The following WDFY1 variants were observed in gnomAD, a reference collection of about 807,000 sequenced individuals.
The protein encoded by WDFY1 is WD repeat and FYVE domain containing 1.
In WDFY1, 32 loss-of-function variants were observed where a neutral mutation model predicts 56.4. The ratio of observed to expected loss-of-function variants is 0.57; its 90% CI spans 0.43 to 0.76. The LOEUF (loss-of-function observed/expected upper bound fraction) is 0.76, where lower values mean the gene tolerates loss of function less well. WDFY1 is among the 30% of genes least tolerant of loss of function. The pLI is 0.00. For missense variants in WDFY1, 480 were observed against 545.7 expected, an observed-to-expected ratio of 0.88 and a Z score of 1.20; for synonymous variants, 192 against 197.3, an observed-to-expected ratio of 0.97 and a Z score of 0.23.
rs115110332 is a variant in WDFY1, at chr2:223,921,615, G to A, written c.138-3605C>T. 3.2e-3 allele frequency among the ~76,000 whole-genome samples: 487 copies of A among 150,734 alleles called. 3 individuals are homozygous for A. The highest frequency in any genetic ancestry group is 0.011 in the African/African-American group (469 of 41,006). On this transcript the variant is annotated intron_variant, in intron 1 of 11. Coordinates refer to ENST00000233055, the MANE Select transcript of WDFY1 (RefSeq NM_020830.5). Reference sequence around the variant, plus strand: ...TTTAAAGATTTTTTTTTTTTTGACAGGGTTTCGCTCCGTCACCCAGGGTGG... The same window carrying A: ...TTTAAAGATTTTTTTTTTTTTGACAAGGTTTCGCTCCGTCACCCAGGGTGG...
intron 1 of WDFY1, among the ~76,000 whole-genome samples, chr2:223,926,360 C>G (rs773049229): frequency 2.6e-5 from 4 of 152,116 alleles, no homozygotes; most frequent in Admixed American, 1.3e-4. Flanking sequence ...CCAGGCTGGT[C>G]ACTCAAGTGA....
chr2:223,884,859 C>CT (rs1553535378), intron 8 of WDFY1, 110 bp from the exon 9 acceptor site: 808 of 689,446 alleles, frequency 1.2e-3, no homozygotes, highest in East Asian at 3.9e-3. Context: ...TTCTTTTCTT[C>CT]TTTTTTTTTT....
intron 2 of WDFY1, among the ~76,000 whole-genome samples, chr2:223,914,634 G>A (rs2106090582): frequency 6.6e-6 from 1 of 152,336 alleles, no homozygotes; most frequent in Middle Eastern, 3.4e-3. Flanking sequence ...CATCACTGTG[G>A]TGAGAAGCAT....
chr2:223,923,120 G>A (rs1435625884), intron 1 of WDFY1, among the ~76,000 whole-genome samples: 1 of 152,158 alleles, frequency 6.6e-6, no homozygotes, highest in Admixed American at 6.5e-5. Context: ...GATGGTTGGC[G>A]CTACCTTTGT....
intron 6 of WDFY1, among the ~76,000 whole-genome samples, chr2:223,896,183 A>AAAAAAAAAAAAAAAAG: frequency 7.3e-6 from 1 of 137,414 alleles, no homozygotes; most frequent in South Asian, 2.4e-4. Flanking sequence ...AAAAAAAAAA[A>AAAAAAAAAAAAAAAAG]CTGCTTGTAA....
intron 1 of WDFY1, among the ~76,000 whole-genome samples, chr2:223,940,249 G>C (rs536249955): frequency 6.6e-6 from 1 of 152,168 alleles, no homozygotes; most frequent in Admixed American, 6.5e-5. Flanking sequence ...AACCTGGGAG[G>C]CAGAGGTTGC....
chr2:223,940,660 G>C (rs76427594), intron 1 of WDFY1, among the ~76,000 whole-genome samples: 1 of 99,436 alleles, frequency 1.0e-5, no homozygotes, highest in Non-Finnish European at 2.3e-5. Flanking sequence ...TTTTTTTTTT[G>C]AGACAAAGTT....
intron 9 of WDFY1, among the ~76,000 whole-genome samples, chr2:223,883,229 G>A (rs1027430927): frequency 6.6e-6 from 1 of 152,086 alleles, no homozygotes; most frequent in African/African-American, 2.4e-5. Context: ...AGAAACTAAT[G>A]CCCATAATCA....
intron 4 of WDFY1, among the ~76,000 whole-genome samples, chr2:223,905,265 T>C (rs1693577412): frequency 6.6e-6 from 1 of 152,194 alleles, no homozygotes; most frequent in African/African-American, 2.4e-5. Flanking sequence ...CTTAAAAAAC[T>C]TTTTAATGTC....
chr2:223,945,119 G>A (rs1171439238), intron 1 of WDFY1, 29 bp downstream of exon 1: 2 of 1,563,640 alleles, frequency 1.3e-6, no homozygotes, highest in African/African-American at 1.4e-5. Flanking sequence ...CGCGGAGTTC[G>A]GGCCGCCCCG....
rs1162550046 is a variant in WDFY1, at chr2:223,945,293, G to C, written c.-9C>G. On this transcript the variant is annotated 5_prime_UTR_variant, in exon 1 of 12. Coordinates refer to ENST00000233055, the MANE Select transcript of WDFY1 (RefSeq NM_020830.5). ...TGGATTTCGGCCGCCATGTTCGCGC[G>C]GCGACTGCTGCGGCCTCCTCGGCAG... The C allele has an allele frequency of 3.8e-6, 6 of 1,565,578 alleles. No individual in the cohort carries two copies. Among genetic ancestry groups the C allele is most frequent in the Non-Finnish European group, 5.2e-6 (6 of 1,163,386 alleles).
At chr2:223,907,577 AG>A (rs1693618890) in intron 3 of WDFY1, among the ~76,000 whole-genome samples, 1 of 152,210 alleles carries the variant, frequency 6.6e-6, no homozygotes, top group Non-Finnish European at 1.5e-5. Context: ...GAAGGCCACA[AG>A]AAGGGTCCCT....
At chr2:223,936,474 A>C (rs1694170691) in intron 1 of WDFY1, among the ~76,000 whole-genome samples, 1 of 152,230 alleles carries the variant, frequency 6.6e-6, no homozygotes, top group South Asian at 2.1e-4. Flanking sequence ...GACAGATCCA[A>C]GTACAGTATG....
At chr2:223,931,349 T>G (rs1694068737) in intron 1 of WDFY1, among the ~76,000 whole-genome samples, 1 of 152,238 alleles carries the variant, frequency 6.6e-6, no homozygotes, top group Non-Finnish European at 1.5e-5. Flanking sequence ...TACCTTCCTA[T>G]AGTAGATATA....
intron 2 of WDFY1, among the ~76,000 whole-genome samples, chr2:223,917,311 T>C (rs778207574): frequency 1.8e-4 from 28 of 152,190 alleles, no homozygotes; most frequent in Admixed American, 6.5e-4. Context: ...TTTTTTAGTG[T>C]TGATATCGGC....
intron 3 of WDFY1, among the ~76,000 whole-genome samples, chr2:223,909,039 T>C (rs536237901): frequency 1.3e-5 from 2 of 152,310 alleles, no homozygotes; most frequent in South Asian, 2.1e-4. Context: ...CTTCAAAGCC[T>C]GCTACAAATT....
chr2:223,898,624 T>C (rs941977100), intron 6 of WDFY1, among the ~76,000 whole-genome samples: 2 of 152,126 alleles, frequency 1.3e-5, no homozygotes, highest in African/African-American at 4.8e-5. Flanking sequence ...CAGGCTGGTC[T>C]CGAACTCCTG....
At chr2:223,902,335 G>A (rs185202080) in intron 4 of WDFY1, among the ~76,000 whole-genome samples, 1 of 152,348 alleles carries the variant, frequency 6.6e-6, no homozygotes, top group East Asian at 1.9e-4. Flanking sequence ...GGCCGAGGCA[G>A]GAGGATTGTT....
At chr2:223,942,879 T>C (rs1392080813) in intron 1 of WDFY1, among the ~76,000 whole-genome samples, 8 of 150,742 alleles carry the variant, frequency 5.3e-5, no homozygotes, top group Non-Finnish European at 2.9e-5. Flanking sequence ...TACGTTCACA[T>C]CATGCAAGAG....
Sources: gnomAD v4.1 joint callset for allele counts (sites outside exome capture counted in the v4.1 genomes callset) on GRCh38, gnomAD v4.1.1 for gene constraint, MANE v1.5 for transcripts, NCBI Gene and HGNC (gene_info 2026-07-23, HGNC 2026-07-21) for gene names.